The following SRSF3 variants were observed in gnomAD, a reference collection of about 807,000 sequenced individuals.
SRSF3 encodes the protein serine/arginine-rich splicing factor 3.
For synonymous variants in SRSF3, 87 were observed against 73.6 expected, an observed-to-expected ratio of 1.18 and a Z score of -0.93; for missense variants, 58 against 217.1, an observed-to-expected ratio of 0.27 and a Z score of 4.61.
chr6:36,597,803 CTTTTT>C (rs377627108), intron 2 of SRSF3, among the ~76,000 whole-genome samples: 2 of 131,234 alleles, frequency 1.5e-5, no homozygotes, highest in Non-Finnish European at 3.3e-5. Context: ...GAATAATGGT[CTTTTT>C]TTTTTTTTTT....
chr6:36,603,939 C>G lies in SRSF3; in HGVS notation c.*1950C>G. On this transcript the variant is annotated 3_prime_UTR_variant, in exon 6 of 6. Coordinates refer to ENST00000373715, the MANE Select transcript of SRSF3 (RefSeq NM_003017.5). ...TATGGCTAAGAGAAATAATACAGAA[C>G]CTGAAATAAAAGTAACTTCACCAGG... is the stretch of plus-strand genomic sequence containing the variant. 1 of 230,468 alleles carries G rather than the reference C, an allele frequency of 4.3e-6. No individual in the cohort carries two copies. The highest frequency in any genetic ancestry group is 6.2e-5 in the East Asian group (1 of 16,108). The allele number at this position is 230,468 out of a possible 1,614,324, so 14.3% of individuals were successfully genotyped here.
At chr6:36,601,668 A>C in intron 4 of SRSF3, 40 bp from the exon 5 acceptor site, 1 of 1,512,818 alleles carries the variant, frequency 6.6e-7, no homozygotes, top group Non-Finnish European at 9.1e-7. Context: ...GTATAATTTT[A>C]TCATACCTCA....
Position 36,603,629 on chromosome 6 carries a change from CTTAAAG to C in SRSF3, c.*1645_*1650del, listed in dbSNP as rs762353331. ...AGAATTGGTGTCAGGAAGGTTCAGC[CTTAAAG>C]TTAAGCATGTTCAAGAAAGACACTT... On this transcript the variant is annotated 3_prime_UTR_variant, in exon 6 of 6. Coordinates refer to ENST00000373715, the MANE Select transcript of SRSF3 (RefSeq NM_003017.5). 12 of 229,582 alleles carry C rather than the reference CTTAAAG, an allele frequency of 5.2e-5. No individual in the cohort carries two copies. The highest frequency in any genetic ancestry group is 9.5e-5 in the Non-Finnish European group (11 of 115,900). The allele number at this position is 229,582 out of a possible 1,614,324, so 14.2% of individuals were successfully genotyped here. A position where few individuals can be genotyped will look rare whatever the true frequency, so the allele number is the denominator to read the frequency against.
chr6:36,599,928 G>A (rs1778689221), intron 3 of SRSF3: 4 of 1,346,130 alleles, frequency 3.0e-6, no homozygotes, highest in Non-Finnish European at 3.9e-6. Flanking sequence ...GGCTGGTGTC[G>A]TTTCACATGA....
rs2127505582 is a variant in SRSF3, at chr6:36,598,670, C to T, written c.207-179C>T. ...GTGTTGGGATTACAGGCGTGTACCA[C>T]CGTGCCTGGCCAAAGCTCATTTTAT... On this transcript the variant is annotated intron_variant, in intron 2 of 5. Transcript: ENST00000373715. The T allele has an allele frequency of 5.9e-6, 4 of 681,710 alleles. No homozygotes were observed. In the East Asian group the frequency reaches 1.1e-4, roughly 19 times the overall value. 42.2% of individuals were successfully genotyped at this position (681,710 alleles called of 1,614,324 possible).
chr6:36,600,992 C>CTTTT (rs1169887735), intron 3 of SRSF3, 160 bp from the exon 4 acceptor site: 22 of 340,274 alleles, frequency 6.5e-5, no homozygotes, highest in South Asian at 3.4e-4. Flanking sequence ...TTTTTCTTTT[C>CTTTT]TTTTTTTTCT....
chr6:36,602,272 A>G lies in SRSF3; in HGVS notation c.*283A>G, dbSNP rs60359372. On this transcript the variant is annotated 3_prime_UTR_variant, in exon 6 of 6. Coordinates refer to ENST00000373715, the MANE Select transcript of SRSF3 (RefSeq NM_003017.5). Reference sequence around the variant, plus strand: ...AACTTTTAGTTATGCACAGACTGATAATAAACCTCTAAACCTGCCCAGCGG... The same window carrying G: ...AACTTTTAGTTATGCACAGACTGATGATAAACCTCTAAACCTGCCCAGCGG... 534 of 435,560 alleles carry G rather than the reference A, an allele frequency of 1.2e-3. No homozygotes were observed. The highest frequency in any genetic ancestry group is 8.8e-3 in the African/African-American group (433 of 49,188). The allele number at this position is 435,560 out of a possible 1,614,324, so 27.0% of individuals were successfully genotyped here. A position where few individuals can be genotyped will look rare whatever the true frequency, so the allele number is the denominator to read the frequency against.
chr6:36,604,363 G>C lies in SRSF3; in HGVS notation c.*2374G>C, dbSNP rs1300650035. ...TCACACTTGTAATTCCTAGCACTTT[G>C]GGAGGCTAGGGCGGGTGGGAGGATC... On this transcript the variant is annotated 3_prime_UTR_variant, in exon 6 of 6. Transcript: ENST00000373715. 1 of 207,966 alleles carries C rather than the reference G, an allele frequency of 4.8e-6. No individual in the cohort carries two copies. Among genetic ancestry groups the C allele is most frequent in the East Asian group, 7.3e-5 (1 of 13,770 alleles). 12.9% of individuals were successfully genotyped at this position (207,966 alleles called of 1,614,324 possible).
rs1013466365 is a variant in SRSF3, at chr6:36,602,768, T to C, written c.*779T>C. Reference sequence around the variant, plus strand: ...GAATCCTTGGGATTAAAGTTTTGGTTACAAATTGTTCTTTAACTTGAAAGC... The same window carrying C: ...GAATCCTTGGGATTAAAGTTTTGGTCACAAATTGTTCTTTAACTTGAAAGC... On this transcript the variant is annotated 3_prime_UTR_variant, in exon 6 of 6. Transcript: ENST00000373715. The C allele has an allele frequency of 4.7e-6, 1 of 210,596 alleles. No individual in the cohort carries two copies. The highest frequency in any genetic ancestry group is 2.3e-5 in the African/African-American group (1 of 44,110). The allele number at this position is 210,596 out of a possible 1,614,324, so 13.0% of individuals were successfully genotyped here.
In SRSF3 at chr6:36,604,242, ACT is replaced by A. The variant is rs1199670193; in HGVS notation, c.*2254_*2255del. On this transcript the variant is annotated 3_prime_UTR_variant, in exon 6 of 6. Transcript: ENST00000373715. ...CTGTGGTTTAAGGATCAAGGTGTTCACTAGAAGTCACTGTTACTAATACTTGA... is the reference window on the plus strand; with the variant it reads ...CTGTGGTTTAAGGATCAAGGTGTTCAAGAAGTCACTGTTACTAATACTTGA... 19 of 217,712 alleles carry A rather than the reference ACT, an allele frequency of 8.7e-5. No individual in the cohort carries two copies. The highest frequency in any genetic ancestry group is 1.7e-4 in the Non-Finnish European group (18 of 108,148). The allele number at this position is 217,712 out of a possible 1,614,324, so 13.5% of individuals were successfully genotyped here. A position where few individuals can be genotyped will look rare whatever the true frequency, so the allele number is the denominator to read the frequency against.
rs187339672 is a variant in SRSF3, at chr6:36,598,714, G to A, written c.207-135G>A. On this transcript the variant is annotated intron_variant, in intron 2 of 5. Coordinates refer to ENST00000373715, the MANE Select transcript of SRSF3 (RefSeq NM_003017.5). The stretch of plus-strand genomic sequence containing the variant: ...ATTTTATATTAGTAAAAATAAGGGA[G>A]CTAGAAATTTGATGTTAAATTGCAC... The A allele has an allele frequency of 3.3e-4, 353 of 1,060,792 alleles. 1 individual carries two copies. Among genetic ancestry groups the A allele is most frequent in the Non-Finnish European group, 2.1e-4 (155 of 738,846 alleles). The allele number at this position is 1,060,792 out of a possible 1,614,324, so 65.7% of individuals were successfully genotyped here. A position where few individuals can be genotyped will look rare whatever the true frequency, so the allele number is the denominator to read the frequency against.
intron 3 of SRSF3, 90 bp downstream of exon 3, chr6:36,599,073 A>G: frequency 6.7e-7 from 1 of 1,488,886 alleles, no homozygotes; most frequent in South Asian, 1.3e-5. Context: ...GGTGGGTTTT[A>G]AACTTTGGAA....
At chr6:36,595,205 T>C (rs3734339) in intron 1 of SRSF3, among the ~76,000 whole-genome samples, 16,119 of 152,202 alleles carry the variant, frequency 0.11, 1,169 homozygotes, top group East Asian at 0.3. Context: ...TAGATGGTTT[T>C]TATGTAATTG....
chr6:36,596,571 T>TGGGGG (rs1562011746), intron 1 of SRSF3, among the ~76,000 whole-genome samples, 190 bp from the exon 2 acceptor site: 11 of 13,764 alleles, frequency 8.0e-4, no homozygotes, highest in African/African-American at 2.3e-3. Flanking sequence ...TGGGGCGGGG[T>TGGGGG]GGCGGGGGGG....
At chr6:36,595,695 CTA>C (rs1176740524) in intron 1 of SRSF3, among the ~76,000 whole-genome samples, 3 of 152,164 alleles carry the variant, frequency 2.0e-5, no homozygotes, top group Non-Finnish European at 4.4e-5. Flanking sequence ...CATTTTATGT[CTA>C]TACCACATTT....
rs991951446 is a variant in SRSF3 at position 36,602,568 on chromosome 6, A to G, written c.*579A>G. 1.4e-4 allele frequency: 30 copies of G among 218,402 alleles called. No homozygotes were observed. The highest frequency in any genetic ancestry group is 2.2e-4 in the Non-Finnish European group (24 of 108,892). The allele number at this position is 218,402 out of a possible 1,614,324, so 13.5% of individuals were successfully genotyped here. ...AGAAAGTTTACCTTTGCTTTAGGTC[A>G]TAAGTTCCTTATTTGATTGCTGTAT... On this transcript the variant is annotated 3_prime_UTR_variant, in exon 6 of 6. Coordinates refer to ENST00000373715, the MANE Select transcript of SRSF3 (RefSeq NM_003017.5).
intron 3 of SRSF3, chr6:36,600,070 G>C (rs1016850811): frequency 2.3e-5 from 27 of 1,199,262 alleles, no homozygotes; most frequent in Non-Finnish European, 2.6e-5. Flanking sequence ...TGGCCAATCA[G>C]CTCAGCTGTT....
Position 36,603,013 on chromosome 6 carries a change from G to T in SRSF3, c.*1024G>T, listed in dbSNP as rs577462348. 4.5e-6 allele frequency: 1 copy of T among 220,908 alleles called. No homozygotes were observed. Among genetic ancestry groups the T allele is most frequent in the Non-Finnish European group, 9.1e-6 (1 of 110,320 alleles). The allele number at this position is 220,908 out of a possible 1,614,324, so 13.7% of individuals were successfully genotyped here. On this transcript the variant is annotated 3_prime_UTR_variant, in exon 6 of 6. Coordinates refer to ENST00000373715, the MANE Select transcript of SRSF3 (RefSeq NM_003017.5). ...TTATTTTATAAGAAACAGCTGAGAG[G>T]CACTATGGATTAGTCTTCTGAAGTG...
In SRSF3 at chr6:36,602,650, G is replaced by C. The variant is rs1270333271; in HGVS notation, c.*661G>C. ...TGTGCAAATTTGTGATTTCAAAAAT[G>C]TCCTGCCAGTTTAAGGGTACATTGT... On this transcript the variant is annotated 3_prime_UTR_variant, in exon 6 of 6. Coordinates refer to ENST00000373715, the MANE Select transcript of SRSF3 (RefSeq NM_003017.5). 9.3e-6 allele frequency: 2 copies of C among 215,052 alleles called. No individual in the cohort carries two copies. Among genetic ancestry groups the C allele is most frequent in the East Asian group, 1.4e-4 (2 of 14,410 alleles). 13.3% of individuals were successfully genotyped at this position (215,052 alleles called of 1,614,324 possible).
Sources: allele counts gnomAD v4.1 joint callset (sites outside exome capture counted in the v4.1 genomes callset), GRCh38; gene constraint gnomAD v4.1.1; transcripts MANE v1.5; gene names NCBI Gene and HGNC (gene_info 2026-07-23, HGNC 2026-07-21).